DIPK1A: variants seen among roughly 807,000 people sequenced by gnomAD.
The protein encoded by DIPK1A is family with sequence similarity 69 member A.
DIPK1A carries 27 observed loss-of-function variants against 40.8 expected under a neutral mutation model. The ratio of observed to expected loss-of-function variants is 0.66; its 90% CI spans 0.49 to 0.91. The LOEUF is 0.91. Among genes scored for constraint, DIPK1A ranks in the 40% least tolerant of loss-of-function variants. The pLI is 0.00. For synonymous variants in DIPK1A, 166 were observed against 171.3 expected (o/e 0.97, Z 0.24); for missense variants, 412 against 505.7 (o/e 0.81, Z 1.78).
At chr1:92,833,491 T>C (rs764987679) in intron 4 of DIPK1A, 1 of 1,612,918 alleles carries the variant, frequency 6.2e-7, no homozygotes, top group South Asian at 1.1e-5. Context: ...ACAATATTAA[T>C]CTGCTTTGCA....
intron 1 of DIPK1A, among the ~76,000 whole-genome samples, chr1:92,882,366 C>T (rs867833105): frequency 6.6e-5 from 10 of 152,108 alleles, no homozygotes; most frequent in Admixed American, 1.3e-4. Context: ...CCAGCCTGGG[C>T]GACAAGAACA....
chr1:92,894,265 T>C (rs2100808836), intron 1 of DIPK1A, among the ~76,000 whole-genome samples: 1 of 152,138 alleles, frequency 6.6e-6, no homozygotes, highest in Non-Finnish European at 1.5e-5. Context: ...AAAGCACTCC[T>C]CATCAAATGG....
At chr1:92,835,478 C>A (rs967678674) in intron 4 of DIPK1A, among the ~76,000 whole-genome samples, 1 of 151,054 alleles carries the variant, frequency 6.6e-6, no homozygotes, top group Non-Finnish European at 1.5e-5. Context: ...CATGGTGAAG[C>A]CCTGTCTCTA....
chr1:92,876,608 G>T, intron 1 of DIPK1A, 178 bp from the exon 2 acceptor site: 1 of 618,790 alleles, frequency 1.6e-6, no homozygotes. Flanking sequence ...TCTTAGAAAA[G>T]GAAGCTCCTT....
At chr1:92,849,153 C>T (rs79577306) in intron 3 of DIPK1A, among the ~76,000 whole-genome samples, 271 of 152,314 alleles carry the variant, frequency 1.8e-3, no homozygotes, top group Middle Eastern at 0.01. Context: ...TCTCTGATCA[C>T]ATCCTCTAAA....
chr1:92,914,027 T>C (rs1280848165), intron 1 of DIPK1A, among the ~76,000 whole-genome samples: 1 of 152,054 alleles, frequency 6.6e-6, no homozygotes, highest in Non-Finnish European at 1.5e-5. Flanking sequence ...GCAGAGAATA[T>C]AATATACATA....
intron 2 of DIPK1A, among the ~76,000 whole-genome samples, chr1:92,873,368 A>G (rs2100770587): frequency 6.6e-6 from 1 of 152,292 alleles, no homozygotes; most frequent in South Asian, 2.1e-4. Flanking sequence ...TAATCCCAGC[A>G]CTTTGGGAGG....
chr1:92,918,210 C>T (rs1463593366), intron 1 of DIPK1A, among the ~76,000 whole-genome samples: 2 of 152,024 alleles, frequency 1.3e-5, no homozygotes, highest in East Asian at 1.9e-4. Flanking sequence ...AGTGCAATGG[C>T]GTGATTTCAG....
intron 2 of DIPK1A, among the ~76,000 whole-genome samples, chr1:92,869,005 C>A (rs145582862): frequency 6.6e-6 from 1 of 150,410 alleles, no homozygotes; most frequent in Non-Finnish European, 1.5e-5. Flanking sequence ...ATCTTGCTTA[C>A]CACAATATCC....
At chr1:92,872,144 A>C (rs1208923455) in intron 2 of DIPK1A, among the ~76,000 whole-genome samples, 11 of 121,126 alleles carry the variant, frequency 9.1e-5, no homozygotes, top group Non-Finnish European at 1.4e-4. Flanking sequence ...CAGTGATGTG[A>C]TCTCAGCTCA....
At chr1:92,925,312 A>C (rs751441891) in intron 1 of DIPK1A, among the ~76,000 whole-genome samples, 3 of 152,144 alleles carry the variant, frequency 2.0e-5, no homozygotes, top group Non-Finnish European at 2.9e-5. Flanking sequence ...AAATTAGTTG[A>C]GAAGTTATTT....
chr1:92,845,833 TAA>T (rs11407255), intron 4 of DIPK1A, among the ~76,000 whole-genome samples: 3 of 142,334 alleles, frequency 2.1e-5, no homozygotes, highest in African/African-American at 2.6e-5. Context: ...AGACTCCGTC[TAA>T]AAAAAAAAAA....
Position 92,876,257 on chromosome 1 carries a change from A to G in DIPK1A, c.189+39T>C, listed in dbSNP as rs200727007. The G allele has an allele frequency of 1.2e-3, 1,655 of 1,342,596 alleles. 3 individuals carry two copies. The highest frequency in any genetic ancestry group is 1.7e-3 in the South Asian group (111 of 64,534). 83.2% of individuals were successfully genotyped at this position (1,342,596 alleles called of 1,614,324 possible). A position where few individuals can be genotyped will look rare whatever the true frequency, so the allele number is the denominator to read the frequency against. On this transcript the variant is annotated intron_variant, in intron 2 of 4. Coordinates refer to ENST00000370310, the MANE Select transcript of DIPK1A (RefSeq NM_001006605.5). Reference sequence around the variant, plus strand: ...TGTAAGCAGTAAATATAGTGTTATGAAGAGGCTTTTTAGTAAACAGGAAAT... The same window carrying G: ...TGTAAGCAGTAAATATAGTGTTATGGAGAGGCTTTTTAGTAAACAGGAAAT...
At chr1:92,887,412 G>A (rs1397343388) in intron 1 of DIPK1A, among the ~76,000 whole-genome samples, 1 of 151,912 alleles carries the variant, frequency 6.6e-6, no homozygotes, top group Non-Finnish European at 1.5e-5. Flanking sequence ...GGTGACAGAG[G>A]GAGACCCTGT....
intron 1 of DIPK1A, among the ~76,000 whole-genome samples, chr1:92,935,996 C>T (rs1393172212): frequency 6.6e-6 from 1 of 152,002 alleles, no homozygotes; most frequent in Non-Finnish European, 1.5e-5. Flanking sequence ...GTGGGATGAT[C>T]GATCACCTGG....
intron 2 of DIPK1A, among the ~76,000 whole-genome samples, chr1:92,863,270 A>C (rs1647362303): frequency 6.6e-6 from 1 of 152,194 alleles, no homozygotes; most frequent in South Asian, 2.1e-4. Flanking sequence ...CAAATGTTTT[A>C]TTGCTGGCTT....
At chr1:92,862,877 A>C (rs1010164185) in intron 2 of DIPK1A, among the ~76,000 whole-genome samples, 2 of 152,180 alleles carry the variant, frequency 1.3e-5, no homozygotes, top group African/African-American at 4.8e-5. Context: ...TTCTGTCTGC[A>C]ATGCTCATTC....
chr1:92,874,616 T>G (rs1196573183), intron 2 of DIPK1A, among the ~76,000 whole-genome samples: 1 of 152,184 alleles, frequency 6.6e-6, no homozygotes, highest in Non-Finnish European at 1.5e-5. Context: ...TTTCAAATAG[T>G]TTCGGTTATT....
At chr1:92,918,707 C>G (rs188012418) in intron 1 of DIPK1A, among the ~76,000 whole-genome samples, 1 of 152,146 alleles carries the variant, frequency 6.6e-6, no homozygotes. Flanking sequence ...TGTATCTAAA[C>G]GAGCAGTCCC....
Sources: gnomAD v4.1 joint callset for allele counts (sites outside exome capture counted in the v4.1 genomes callset) on GRCh38, gnomAD v4.1.1 for gene constraint, MANE v1.5 for transcripts, NCBI Gene and HGNC (gene_info 2026-07-23, HGNC 2026-07-21) for gene names.